The following NEGR1 variants were observed in gnomAD, a reference collection of about 807,000 sequenced individuals.
NEGR1 encodes IgLON family member 4.
Under a neutral mutation model 40.9 loss-of-function variants are expected in NEGR1, and 10 were observed. The observed-to-expected ratio is 0.24, with a 90% confidence interval of 0.15 to 0.42. The LOEUF (loss-of-function observed/expected upper bound fraction) is 0.42. NEGR1 is among the 10% of genes least tolerant of loss of function. The pLI, the probability that NEGR1 is intolerant of heterozygous loss-of-function variation, is 1.00. For missense variants in NEGR1, 352 were observed against 438.9 expected (o/e 0.80, Z 1.77); for synonymous variants, 185 against 166.8 (o/e 1.11, Z -0.84).
chr1:72,039,140 A>G (rs956752701), intron 1 of NEGR1, among the ~76,000 whole-genome samples: 2 of 151,964 alleles, frequency 1.3e-5, no homozygotes, highest in Non-Finnish European at 2.9e-5. Flanking sequence ...TGAAAAGTTC[A>G]GAGAAACAGC....
intron 2 of NEGR1, among the ~76,000 whole-genome samples, chr1:71,881,124 T>A (rs960583512): frequency 2.6e-5 from 4 of 152,032 alleles, no homozygotes; most frequent in Non-Finnish European, 5.9e-5. Flanking sequence ...AAATCCTTCC[T>A]ACAGTACAGT....
At chr1:71,871,436 A>G (rs1660274472) in intron 2 of NEGR1, among the ~76,000 whole-genome samples, 1 of 152,160 alleles carries the variant, frequency 6.6e-6, no homozygotes. Context: ...CATTTTAAAT[A>G]TCATGAGAAA....
chr1:71,785,555 A>G (rs1656881666), intron 2 of NEGR1, among the ~76,000 whole-genome samples: 1 of 152,140 alleles, frequency 6.6e-6, no homozygotes, highest in Non-Finnish European at 1.5e-5. Context: ...GAAAGCAAGT[A>G]CCTTCTTTCA....
chr1:72,043,008 A>G (rs1646969341), intron 1 of NEGR1, among the ~76,000 whole-genome samples: 1 of 151,950 alleles, frequency 6.6e-6, no homozygotes. Context: ...ATCTGCATGC[A>G]TTGCATTTGT....
chr1:71,433,719 A>G (rs1268217025), intron 6 of NEGR1, among the ~76,000 whole-genome samples: 2 of 152,176 alleles, frequency 1.3e-5, no homozygotes, highest in African/African-American at 4.8e-5. Flanking sequence ...CCCACAACAC[A>G]TGGGAATTAT....
At chr1:72,272,038 A>G (rs1655864319) in intron 1 of NEGR1, among the ~76,000 whole-genome samples, 1 of 151,894 alleles carries the variant, frequency 6.6e-6, no homozygotes, top group South Asian at 2.1e-4. Flanking sequence ...CAGCAGTATG[A>G]AAACAGACTA....
intron 2 of NEGR1, among the ~76,000 whole-genome samples, chr1:71,791,455 A>G (rs1188376660): frequency 1.3e-5 from 2 of 152,094 alleles, no homozygotes; most frequent in Non-Finnish European, 2.9e-5. Context: ...CAGTGTTTAG[A>G]GCATGGAAAT....
chr1:71,544,660 G>A (rs1403197418), intron 6 of NEGR1, among the ~76,000 whole-genome samples: 1 of 151,670 alleles, frequency 6.6e-6, no homozygotes, highest in Non-Finnish European at 1.5e-5. Flanking sequence ...TACACTTTAA[G>A]TATTAGACAG....
intron 1 of NEGR1, among the ~76,000 whole-genome samples, chr1:72,257,792 G>GA (rs1655323919): frequency 1.3e-5 from 2 of 151,960 alleles, no homozygotes; most frequent in South Asian, 4.2e-4. Flanking sequence ...TCTTCCCTTG[G>GA]AATCAAACCC....
intron 2 of NEGR1, among the ~76,000 whole-genome samples, chr1:71,802,786 T>C (rs947027777): frequency 1.3e-5 from 2 of 152,210 alleles, no homozygotes; most frequent in African/African-American, 4.8e-5. Context: ...GTTTATCTTA[T>C]TTCTAATCCA....
At chr1:71,943,401 T>C (rs1645990558) in intron 1 of NEGR1, among the ~76,000 whole-genome samples, 1 of 151,412 alleles carries the variant, frequency 6.6e-6, no homozygotes, top group Admixed American at 6.6e-5. Flanking sequence ...TCAAATTTGG[T>C]TATGATTAAG....
At chr1:71,820,960 T>C (rs1658408500) in intron 2 of NEGR1, among the ~76,000 whole-genome samples, 1 of 152,006 alleles carries the variant, frequency 6.6e-6, no homozygotes, top group African/African-American at 2.4e-5. Context: ...AAATAGTCCC[T>C]TTTTGCATCT....
chr1:71,478,229 T>G (rs150861467), intron 6 of NEGR1, among the ~76,000 whole-genome samples: 637 of 152,138 alleles, frequency 4.2e-3, no homozygotes, highest in Non-Finnish European at 7.3e-3. Flanking sequence ...TGTTCTAAAA[T>G]AGGTAAATGC....
chr1:71,718,242 A>G (rs1654341784), intron 3 of NEGR1, among the ~76,000 whole-genome samples: 1 of 152,178 alleles, frequency 6.6e-6, no homozygotes, highest in Admixed American at 6.5e-5. Flanking sequence ...AAGATCCCTC[A>G]TGAGTTGGTG....
rs191340113 is a variant in NEGR1, at chr1:71,842,801, T to C, written c.410-66504A>G. Among the ~76,000 whole-genome samples the C allele has an allele frequency of 1.1e-3, 169 of 152,268 alleles. 1 individual carries two copies. The highest frequency in any genetic ancestry group is 1.8e-3 in the Non-Finnish European group (125 of 68,010). ...AATGTTATCATTAAATTAACATCAT[T>C]ATCGTATATCTTAACTTAGCAAGCT... On this transcript the variant is annotated intron_variant, in intron 2 of 6. Transcript: ENST00000357731.
At chr1:71,443,637 A>T (rs576621751) in intron 6 of NEGR1, among the ~76,000 whole-genome samples, 1 of 152,346 alleles carries the variant, frequency 6.6e-6, no homozygotes, top group East Asian at 1.9e-4. Flanking sequence ...GGTACTGAGG[A>T]TACAAACATA....
At chr1:71,582,747 C>T (rs1264063527) in intron 6 of NEGR1, among the ~76,000 whole-genome samples, 3 of 152,272 alleles carry the variant, frequency 2.0e-5, no homozygotes, top group South Asian at 2.1e-4. Flanking sequence ...AATCTTTCTG[C>T]AAATTTCAAG....
chr1:72,203,339 T>C (rs1284230929), intron 1 of NEGR1, among the ~76,000 whole-genome samples: 1 of 152,108 alleles, frequency 6.6e-6, no homozygotes. Flanking sequence ...TATGGGTGAC[T>C]TTGAGCAGTT....
intron 6 of NEGR1, among the ~76,000 whole-genome samples, chr1:71,539,824 T>C (rs574191059): frequency 3.0e-4 from 46 of 151,876 alleles, no homozygotes; most frequent in Non-Finnish European, 5.6e-4. Flanking sequence ...ACATCGTTTG[T>C]AGTAAAAAAG....
Sources: allele counts gnomAD v4.1 joint callset (sites outside exome capture counted in the v4.1 genomes callset), GRCh38; gene constraint gnomAD v4.1.1; transcripts MANE v1.5; gene names NCBI Gene and HGNC (gene_info 2026-07-23, HGNC 2026-07-21).